Variants in RANGAP1 observed in about 807,000 individuals in gnomAD.
The protein encoded by RANGAP1 is ran GTPase-activating protein 1.
A neutral mutation model predicts 63.5 loss-of-function variants in RANGAP1; 38 were observed. That is an observed-to-expected ratio of 0.60 (90% CI 0.46 to 0.78). The LOEUF is 0.78. Among genes scored for constraint, RANGAP1 ranks in the 30% least tolerant of loss-of-function variants. RANGAP1 has a pLI of 0.00. For missense variants in RANGAP1, 630 were observed against 740.3 expected (o/e 0.85, Z 1.73); for synonymous variants, 329 against 310.5 (o/e 1.06, Z -0.63).
At position 41,249,756 on chromosome 22, in the gene RANGAP1, C is replaced by G. The variant is rs771705461; in HGVS notation, c.1545G>C (p.Arg515Ser). 9 of 1,613,900 alleles carry G rather than the reference C, an allele frequency of 5.6e-6. No homozygotes were observed. The East Asian group carries it at 1.8e-4, about 32-fold the overall frequency. Residue 515 changes from arginine (R) to serine (S), a missense_variant, in exon 14 of 16, where the codon AGG (arginine) becomes AGC (serine). Coordinates refer to ENST00000356244, the MANE Select transcript of RANGAP1 (RefSeq NM_002883.4). Reference sequence around the variant, plus strand: ...TGAGCAGACCCATGTGCACGAGCAGCCTGGTGAGGAAGGTGTTGGAGTTGA... The same window carrying G: ...TGAGCAGACCCATGTGCACGAGCAGGCTGGTGAGGAAGGTGTTGGAGTTGA... Reference protein sequence around the residue: ...SSFNSNTFLTRLLVHMGLLKS... With the variant: ...SSFNSNTFLTSLLVHMGLLKS...
chr22:41,257,953 C>A lies in RANGAP1; in HGVS notation c.769G>T (p.Ala257Ser), dbSNP rs1441616545. The stretch of plus-strand genomic sequence containing the variant: ...CTCTGCCACACTCGCCTCACCTCGG[C>A]CATGGCCACGGCGCCCTTCTCAGTG... Reference protein sequence around the residue: ...TFTEKGAVAMAETLKTLRQVE... With the variant: ...TFTEKGAVAMSETLKTLRQVE... The change falls in exon 7 of 16, where the codon GCC (alanine) becomes TCC (serine). Residue 257 changes from alanine (A) to serine (S), a missense_variant. By Grantham distance (99) the Ala-to-Ser change is moderately conservative. Around this residue, in one of 3 missense-constraint regions of RANGAP1, gnomAD observed 428 missense variants for 465.5 expected, o/e 0.92. Coordinates refer to ENST00000356244, the MANE Select transcript of RANGAP1 (RefSeq NM_002883.4). This position sits in a 1 kb window ranked among gnomAD's most constrained non-coding sequence, Gnocchi z 4.0. The A allele has an allele frequency of 2.5e-6, 4 of 1,603,656 alleles. No individual in the cohort carries two copies. In the African/African-American group the frequency reaches 5.4e-5, roughly 21 times the overall value.
In RANGAP1 at chr22:41,246,267, A is replaced by C; in HGVS notation, c.*336T>G. ...AGGCAGGTGGGTGGGGACGGCCATC[A>C]GGGCCCAGGCGGAGATCAGCAGAGC... On this transcript the variant is annotated 3_prime_UTR_variant, in exon 16 of 16. Transcript: ENST00000356244. 1 of 198,362 alleles carries C rather than the reference A, an allele frequency of 5.0e-6. No homozygotes were observed. The highest frequency in any genetic ancestry group is 1.0e-5 in the Non-Finnish European group (1 of 97,162). 12.3% of individuals were successfully genotyped at this position (198,362 alleles called of 1,614,324 possible). A position where few individuals can be genotyped will look rare whatever the true frequency, so the allele number is the denominator to read the frequency against.
At chr22:41,268,695 T>C (rs1222496574) in intron 3 of RANGAP1, among the ~76,000 whole-genome samples, 1 of 152,178 alleles carries the variant, frequency 6.6e-6, no homozygotes, top group Non-Finnish European at 1.5e-5. Context: ...ATCCCTGACT[T>C]GTACAACCCT....
the RANGAP1 span, among the ~76,000 whole-genome samples, chr22:41,293,866 C>G: frequency 1.3e-5 from 2 of 151,940 alleles, no homozygotes; most frequent in South Asian, 4.1e-4. Context: ...ACTATGTTGC[C>G]CAGGCTAGTT....
At chr22:41,292,662 G>C in the RANGAP1 span, among the ~76,000 whole-genome samples, 2 of 151,946 alleles carry the variant, frequency 1.3e-5, no homozygotes, top group South Asian at 4.2e-4. Flanking sequence ...CAGGAGAATC[G>C]CTTGAACCCG....
chr22:41,280,176 C>T (rs978646321), intron 2 of RANGAP1, among the ~76,000 whole-genome samples: 6 of 152,094 alleles, frequency 3.9e-5, no homozygotes, highest in South Asian at 2.1e-4. Context: ...TGCATCAGCA[C>T]GCTCCCAGCT....
chr22:41,280,739 A>C, intron 2 of RANGAP1, 194 bp downstream of exon 2: 7 of 1,518,108 alleles, frequency 4.6e-6, no homozygotes, highest in Non-Finnish European at 6.2e-6. Flanking sequence ...ACAAACATGG[A>C]AAGTGCAGGG....
Position 41,264,576 on chromosome 22 carries a change from G to T in RANGAP1, c.480+88C>A, listed in dbSNP as rs2034356292. The T allele has an allele frequency of 1.0e-5, 15 of 1,437,796 alleles. No individual in the cohort carries two copies. In the South Asian group the frequency reaches 1.9e-4, roughly 19 times the overall value. The allele number at this position is 1,437,796 out of a possible 1,614,324, so 89.1% of individuals were successfully genotyped here. The stretch of plus-strand genomic sequence containing the variant: ...TTGAAAACAACGGCTGACCATCCCA[G>T]ATGGTGGTGGCCAAGGGCCAGGGCA... On this transcript the variant is annotated intron_variant, in intron 5 of 15. Transcript: ENST00000356244.
chr22:41,248,945 C>A (rs901403092), intron 15 of RANGAP1, among the ~76,000 whole-genome samples: 9 of 152,240 alleles, frequency 5.9e-5, no homozygotes, highest in Admixed American at 2.0e-4. Context: ...AAAAGCCACT[C>A]CGGAGATGTC....
chr22:41,264,164 T>C (rs1601642601), intron 5 of RANGAP1, among the ~76,000 whole-genome samples: 1 of 152,012 alleles, frequency 6.6e-6, no homozygotes, highest in African/African-American at 2.4e-5. Flanking sequence ...TTGATGCAGG[T>C]TCTGGGAAGC....
chr22:41,261,413 G>C, intron 6 of RANGAP1, 33 bp downstream of exon 6: 1 of 1,613,754 alleles, frequency 6.2e-7, no homozygotes. Flanking sequence ...GCACCTCAAG[G>C]CTGCAGGGGC....
intron 11 of RANGAP1, among the ~76,000 whole-genome samples, chr22:41,253,631 G>C (rs1237888576): frequency 6.6e-6 from 1 of 152,186 alleles, no homozygotes; most frequent in Non-Finnish European, 1.5e-5. Flanking sequence ...CCCAGGAATG[G>C]GGGAGTGGTT....
At chr22:41,277,892 T>C (rs577044360) in intron 2 of RANGAP1, among the ~76,000 whole-genome samples, 26 of 152,322 alleles carry the variant, frequency 1.7e-4, no homozygotes, top group African/African-American at 6.3e-4. Flanking sequence ...CCTGGGTATA[T>C]CATTCCTATT....
intron 2 of RANGAP1, among the ~76,000 whole-genome samples, chr22:41,275,244 G>A (rs2035064780): frequency 1.3e-5 from 2 of 152,340 alleles, no homozygotes; most frequent in South Asian, 4.1e-4. Flanking sequence ...TGTAATCCCA[G>A]TACTTTGGGA....
At chr22:41,282,929 C>T (rs1447368716) in intron 1 of RANGAP1, among the ~76,000 whole-genome samples, 1 of 152,162 alleles carries the variant, frequency 6.6e-6, no homozygotes, top group Non-Finnish European at 1.5e-5. Flanking sequence ...AAGGCCTCCT[C>T]CTACAACCTC....
At chr22:41,254,579 C>T (rs9623361) in intron 10 of RANGAP1, 85 bp from the exon 11 acceptor site, 2 of 1,494,716 alleles carry the variant, frequency 1.3e-6, no homozygotes, top group Admixed American at 2.3e-5. Flanking sequence ...GCCCAGAGAC[C>T]TCACCTCAGC....
At position 41,257,432 on chromosome 22, in the gene RANGAP1, C is replaced by T. The variant is rs1039122713; in HGVS notation, c.774+516G>A. 1.3e-5 allele frequency among the ~76,000 whole-genome samples: 2 copies of T among 152,158 alleles called. No individual in the cohort carries two copies. The highest frequency in any genetic ancestry group is 3.9e-4 in the East Asian group (2 of 5,188). On this transcript the variant is annotated intron_variant, in intron 7 of 15. Transcript: ENST00000356244. This position sits in a 1 kb window ranked among gnomAD's most constrained non-coding sequence, Gnocchi z 4.0. ...CATGTGGCCTGCACTTGGTACAAAG[C>T]CAAGCACTAAATGGGGACTCAAAAA...
intron 12 of RANGAP1, among the ~76,000 whole-genome samples, chr22:41,252,079 C>A (rs2145689545): frequency 6.6e-6 from 1 of 152,182 alleles, no homozygotes; most frequent in East Asian, 1.9e-4. Flanking sequence ...ATGCCTGTAA[C>A]CCTAGCACTT....
chr22:41,301,023 G>T, the RANGAP1 span, among the ~76,000 whole-genome samples: 2 of 152,042 alleles, frequency 1.3e-5, no homozygotes, highest in African/African-American at 4.8e-5. Context: ...CCACTGCAGT[G>T]GTCCCTACAC....
Sources: gnomAD v4.1 joint callset for allele counts (sites outside exome capture counted in the v4.1 genomes callset) on GRCh38, gnomAD v4.1.1 for gene constraint, gnomAD v4.1.1 regional missense constraint, Gnocchi (gnomAD v3.1) non-coding constraint, MANE v1.5 for transcripts, NCBI Gene and HGNC (gene_info 2026-07-23, HGNC 2026-07-21) for gene names.